The following ALS2CL variants were observed in gnomAD, a reference collection of about 807,000 sequenced individuals.
ALS2CL encodes the protein ALS2 C-terminal-like protein.
A neutral mutation model predicts 127.9 loss-of-function variants in ALS2CL; 112 were observed. That is an observed-to-expected ratio of 0.88 (90% confidence interval 0.75 to 1.02). The LOEUF (loss-of-function observed/expected upper bound fraction) is 1.02. Among genes scored for constraint, ALS2CL ranks in the 50% least tolerant of loss-of-function variants. The pLI, the probability that ALS2CL is intolerant of heterozygous loss-of-function variation, is 0.00. For synonymous variants in ALS2CL, 519 were observed against 527.6 expected (o/e 0.98, Z 0.22); for missense variants, 1,174 against 1,236.7 (o/e 0.95, Z 0.76).
chr3:46,684,850 A>T (rs971731765), intron 7 of ALS2CL, among the ~76,000 whole-genome samples: 3 of 152,192 alleles, frequency 2.0e-5, no homozygotes, highest in African/African-American at 7.2e-5. Context: ...GCTTCAGGGG[A>T]CACAGGTCTA....
At chr3:46,675,937 G>A in intron 19 of ALS2CL, 1 of 1,426,398 alleles carries the variant, frequency 7.0e-7, no homozygotes, top group Non-Finnish European at 9.1e-7. Context: ...AGCCCAGCCT[G>A]GGACTGCAGG....
At chr3:46,671,782 A>G (rs1475963403) in intron 24 of ALS2CL, 102 bp downstream of exon 24, 2 of 1,551,316 alleles carry the variant, frequency 1.3e-6, no homozygotes, top group Non-Finnish European at 1.7e-6. Flanking sequence ...TACAGAGAGA[A>G]GCTGCATCCA....
Position 46,687,533 on chromosome 3 carries a change from T to A in ALS2CL, c.368+86A>T, listed in dbSNP as rs1363978996. 6 of 1,464,796 alleles carry A rather than the reference T, an allele frequency of 4.1e-6. No homozygotes were observed. The Admixed American group carries it at 1.2e-4, about 28-fold the overall frequency. 90.7% of individuals were successfully genotyped at this position (1,464,796 alleles called of 1,614,324 possible). A position where few individuals can be genotyped will look rare whatever the true frequency, so the allele number is the denominator to read the frequency against. ...ATGAGTTGTGGGCTGTGACACCTGCTGCTCTGGGGAGGGGGCTTCCCCGAC... is the reference window on the plus strand; with the variant it reads ...ATGAGTTGTGGGCTGTGACACCTGCAGCTCTGGGGAGGGGGCTTCCCCGAC... On this transcript the variant is annotated intron_variant, in intron 4 of 25. Transcript: ENST00000318962.
At chr3:46,691,399 C>T (rs1038303600) in intron 1 of ALS2CL, among the ~76,000 whole-genome samples, 9 of 152,090 alleles carry the variant, frequency 5.9e-5, no homozygotes, top group Admixed American at 2.0e-4. Context: ...GTAAATAACT[C>T]GCTGCTAGGA....
chr3:46,680,621 G>T, intron 13 of ALS2CL, 80 bp from the exon 14 acceptor site: 1 of 1,270,142 alleles, frequency 7.9e-7, no homozygotes, highest in Non-Finnish European at 1.1e-6. Context: ...GCACGGGGCG[G>T]CAGGGAGTGC....
intron 10 of ALS2CL, 103 bp from the exon 11 acceptor site, chr3:46,682,197 G>T: frequency 7.9e-7 from 1 of 1,264,236 alleles, no homozygotes; most frequent in Non-Finnish European, 1.1e-6. Flanking sequence ...CCTTGGACTG[G>T]GCTCCCTGCA....
rs139684532 is a variant in ALS2CL, at chr3:46,672,185, C to T, written c.2489G>A (p.Arg830Lys). Residue 830 changes from arginine (R) to lysine (K), a missense_variant, in exon 23 of 26, where the codon AGG (arginine) becomes AAG (lysine). By Grantham distance (26) the Arg-to-Lys change is conservative (BLOSUM62 2). Transcript: ENST00000318962. ...LTSNQRYSLV[R>K]DKCFLSATEC... ...GGTGGCTGACAGGAAACACTTGTCC[C>T]TGACCAGGGAGTACCTCTGCATGGT... is the stretch of plus-strand genomic sequence containing the variant. The T allele has an allele frequency of 5.0e-6, 8 of 1,614,104 alleles. No homozygotes were observed. The East Asian group carries it at 1.6e-4, about 31-fold the overall frequency.
At position 46,673,197 on chromosome 3, in the gene ALS2CL, A is replaced by T. The variant is rs542142279; in HGVS notation, c.2472+142T>A. 45 of 836,292 alleles carry T rather than the reference A, an allele frequency of 5.4e-5. No homozygotes were observed. In the South Asian group the frequency reaches 7.7e-4, roughly 14 times the overall value. 51.8% of individuals were successfully genotyped at this position (836,292 alleles called of 1,614,324 possible). ...TACCTCCACCACACTGGGAGGTCAG[A>T]ATGACAGTGTCTCCTCCCAACCCAC... On this transcript the variant is annotated intron_variant, in intron 22 of 25. Coordinates refer to ENST00000318962, the MANE Select transcript of ALS2CL (RefSeq NM_147129.5).
chr3:46,693,377 G>A (rs1477738448), intron 1 of ALS2CL: 1 of 152,346 alleles, frequency 6.6e-6, no homozygotes, highest in Admixed American at 6.5e-5. Flanking sequence ...CCTGCTGGCT[G>A]GGGCCCCGTG....
intron 21 of ALS2CL, 141 bp from the exon 22 acceptor site, chr3:46,673,522 G>A: frequency 1.1e-6 from 1 of 883,222 alleles, no homozygotes; most frequent in Non-Finnish European, 1.7e-6. Flanking sequence ...TAGGTCATGG[G>A]GAGGATGGAA....
At chr3:46,692,732 G>T (rs766342509) in intron 1 of ALS2CL, among the ~76,000 whole-genome samples, 34 of 152,196 alleles carry the variant, frequency 2.2e-4, no homozygotes, top group Non-Finnish European at 4.3e-4. Flanking sequence ...CAGTCACGGC[G>T]TGCCCAGGTG....
At chr3:46,674,801 G>A in intron 20 of ALS2CL, 62 bp from the exon 21 acceptor site, 1 of 1,454,960 alleles carries the variant, frequency 6.9e-7, no homozygotes, top group East Asian at 2.4e-5. Context: ...ACTACTTGGA[G>A]TCTCGTCTCA....
rs567139051 is a variant in ALS2CL at position 46,671,004 on chromosome 3, G to A, written c.2842C>T (p.His948Tyr). 2.7e-4 allele frequency: 439 copies of A among 1,614,162 alleles called. 7 individuals carry two copies. In the South Asian group the frequency reaches 3.9e-3, roughly 14 times the overall value. Residue 948 changes from histidine to tyrosine, a missense_variant, in exon 26 of 26, where the codon CAC (histidine) becomes TAC (tyrosine). His to Tyr is a moderately conservative substitution (Grantham distance 83). Coordinates refer to ENST00000318962, the MANE Select transcript of ALS2CL (RefSeq NM_147129.5). ...MRLHRLPGHW[H>Y]SRELW ...CCAGGCTACCAGAGCTCCCTGGAGT[G>A]CCAGTGGCCAGGTAAGCGGTGCAGC...
At chr3:46,678,433 A>G in intron 15 of ALS2CL, 44 bp from the exon 16 acceptor site, 1 of 1,555,084 alleles carries the variant, frequency 6.4e-7, no homozygotes, top group South Asian at 1.2e-5. Flanking sequence ...CTGCCCAGTT[A>G]CCCTTCCAGC....
chr3:46,687,070 C>A lies in ALS2CL; in HGVS notation c.447G>T (p.Ser149=), dbSNP rs777901252. 2 of 1,595,466 alleles carry A rather than the reference C, an allele frequency of 1.3e-6. No individual in the cohort carries two copies. Among genetic ancestry groups the A allele is most frequent in the Non-Finnish European group, 1.7e-6 (2 of 1,177,148 alleles). The stretch of plus-strand genomic sequence containing the variant: ...GTGGCTGGTGGAGGGCCTGGCCCAG[C>A]GATGCGCCCACCGAGCCCTCTGAGC... ...GVSSEGSVGA[S]LGQALHQPLA... The change falls in exon 5 of 26, where the codon TCG becomes TCT. Residue 149 remains serine, a synonymous_variant. Coordinates refer to ENST00000318962, the MANE Select transcript of ALS2CL (RefSeq NM_147129.5).
At chr3:46,690,075 A>C (rs1700065952) in intron 1 of ALS2CL, among the ~76,000 whole-genome samples, 2 of 152,316 alleles carry the variant, frequency 1.3e-5, no homozygotes, top group Admixed American at 1.3e-4. Context: ...GAACCCTGAG[A>C]GTAAAGGCTC....
rs554428204 is a variant in ALS2CL, at chr3:46,681,105, A to G, written c.1436+141T>C. The G allele has an allele frequency of 7.4e-7, 1 of 1,353,954 alleles. No individual in the cohort carries two copies. The highest frequency in any genetic ancestry group is 1.4e-5 in the African/African-American group (1 of 69,790). 83.9% of individuals were successfully genotyped at this position (1,353,954 alleles called of 1,614,324 possible). ...TTCGCTCAGCCTGAGCCTCCGCAGC[A>G]ACCGAGGGACTGGAGGGGAAGTGAG... On this transcript the variant is annotated intron_variant, in intron 13 of 25. Transcript: ENST00000318962. This position sits in a 1 kb window ranked among gnomAD's most constrained non-coding sequence, Gnocchi z 4.9.
Position 46,686,256 on chromosome 3 carries a change from C to T in ALS2CL, c.666+52G>A. 1.3e-6 allele frequency: 2 copies of T among 1,554,996 alleles called. No homozygotes were observed. The highest frequency in any genetic ancestry group is 2.5e-5 in the South Asian group (2 of 80,864). ...AGCAGCTCAAGCCCCCCAACATCTCCATGCCCAATGTGGAACCCCCTCCCT... is the reference window on the plus strand; with the variant it reads ...AGCAGCTCAAGCCCCCCAACATCTCTATGCCCAATGTGGAACCCCCTCCCT... On this transcript the variant is annotated intron_variant, in intron 6 of 25. Coordinates refer to ENST00000318962, the MANE Select transcript of ALS2CL (RefSeq NM_147129.5). This position sits in a 1 kb window ranked among gnomAD's most constrained non-coding sequence, Gnocchi z 4.3.
In ALS2CL at chr3:46,687,141, A is replaced by T. The variant is rs1403314341; in HGVS notation, c.376T>A (p.Trp126Arg). The T allele has an allele frequency of 6.4e-7, 1 of 1,570,616 alleles. No homozygotes were observed. Among genetic ancestry groups the T allele is most frequent in the South Asian group, 1.2e-5 (1 of 86,938 alleles). ...CGCAGCGCCTTCCGCTGGCCCCGCCAGTACTCGCTGCGTGTAGAGAGGGCC... is the reference window on the plus strand; with the variant it reads ...CGCAGCGCCTTCCGCTGGCCCCGCCTGTACTCGCTGCGTGTAGAGAGGGCC... The part of the protein sequence containing the change: ...QKAAKRRSEY[W>R]RGQRKALRQL... The change falls in exon 5 of 26, where the codon TGG (tryptophan) becomes AGG (arginine). Residue 126 changes from tryptophan (W) to arginine (R), a missense_variant. Trp to Arg is a moderately radical substitution (Grantham distance 101). Coordinates refer to ENST00000318962, the MANE Select transcript of ALS2CL (RefSeq NM_147129.5).
Sources: allele counts gnomAD v4.1 joint callset (sites outside exome capture counted in the v4.1 genomes callset), GRCh38; gene constraint gnomAD v4.1.1; non-coding constraint Gnocchi (gnomAD v3.1); transcripts MANE v1.5; gene names NCBI Gene and HGNC (gene_info 2026-07-23, HGNC 2026-07-21).